Variants in SLC5A9 observed in about 807,000 individuals in gnomAD.
The protein encoded by SLC5A9 is sodium/glucose cotransporter 4.
A neutral mutation model predicts 70.9 loss-of-function variants in SLC5A9; 59 were observed. The ratio of observed to expected loss-of-function variants is 0.83; its 90% CI spans 0.68 to 1.03. The LOEUF is 1.03. SLC5A9 is among the 50% of genes least tolerant of loss of function. The pLI, the probability that SLC5A9 is intolerant of heterozygous loss-of-function variation, is 0.00. For synonymous variants in SLC5A9, 340 were observed against 346.5 expected (o/e 0.98, Z 0.21); for missense variants, 832 against 881.1 (o/e 0.94, Z 0.71).
intron 12 of SLC5A9, chr1:48,240,484 T>C (rs920729527): frequency 1.3e-5 from 2 of 152,272 alleles, no homozygotes; most frequent in African/African-American, 4.8e-5. Flanking sequence ...CCTGAAACAC[T>C]GAGTGGACAT....
rs1391896495 is a variant in SLC5A9 at position 48,244,878 on chromosome 1, G to GTGTATATATA, written c.1837+2263_1837+2264insGTATATATAT. 3.1e-4 allele frequency among the ~76,000 whole-genome samples: 9 copies of GTGTATATATA among 29,402 alleles called. 1 individual carries two copies. Among genetic ancestry groups the GTGTATATATA allele is most frequent in the Non-Finnish European group, 3.8e-4 (5 of 13,032 alleles). 19.3% of individuals were successfully genotyped at this position (29,402 alleles called of 152,430 possible). On this transcript the variant is annotated intron_variant, in intron 13 of 13. Transcript: ENST00000438567. ...TGTGTGTGTGTATGTATGTGTATGTGTATATATATATATATATATATATAT... is the reference window on the plus strand; with the variant it reads ...TGTGTGTGTGTATGTATGTGTATGTGTGTATATATATATATATATATATATATATATATAT...
Position 48,247,628 on chromosome 1 carries a change from T to A in SLC5A9, c.*85T>A, listed in dbSNP as rs547161758. 317 of 1,379,036 alleles carry A rather than the reference T, an allele frequency of 2.3e-4. 2 individuals are homozygous for A. In the South Asian group the frequency reaches 3.1e-3, roughly 13 times the overall value. The allele number at this position is 1,379,036 out of a possible 1,614,324, so 85.4% of individuals were successfully genotyped here. ...GAAACAGGCTCTCCTCTTACTTTGC[T>A]GTCTAAACTGGAGATCACAGAAGTC... is the stretch of plus-strand genomic sequence containing the variant. On this transcript the variant is annotated 3_prime_UTR_variant, in exon 14 of 14. Transcript: ENST00000438567.
At chr1:48,241,791 C>T (rs557001416) in intron 12 of SLC5A9, among the ~76,000 whole-genome samples, 1 of 152,108 alleles carries the variant, frequency 6.6e-6, no homozygotes, top group East Asian at 1.9e-4. Context: ...CACTCCTTGT[C>T]CTGTGTTCTC....
At chr1:48,241,392 A>T (rs1644388652) in intron 12 of SLC5A9, among the ~76,000 whole-genome samples, 1 of 152,210 alleles carries the variant, frequency 6.6e-6, no homozygotes, top group South Asian at 2.1e-4. Context: ...CCAGGCTCTC[A>T]TGATCCCAGA....
chr1:48,224,357 A>G (rs1198167839), intron 1 of SLC5A9, among the ~76,000 whole-genome samples: 1 of 152,224 alleles, frequency 6.6e-6, no homozygotes, highest in African/African-American at 2.4e-5. Context: ...AGCTCAGAGA[A>G]AGGGTGAGCA....
At chr1:48,235,972 T>C in intron 10 of SLC5A9, 93 bp downstream of exon 10, 1 of 1,471,768 alleles carries the variant, frequency 6.8e-7, no homozygotes, top group Non-Finnish European at 9.3e-7. Context: ...GGTTGGACCC[T>C]GGACTGGCAG....
chr1:48,237,620 C>A (rs1404151194), intron 10 of SLC5A9, 59 bp from the exon 11 acceptor site: 1 of 1,567,896 alleles, frequency 6.4e-7, no homozygotes, highest in African/African-American at 1.3e-5. Context: ...ATCACCTTCA[C>A]CCCACACCAC....
At chr1:48,244,847 A>ATTAT (rs2148590562) in intron 13 of SLC5A9, among the ~76,000 whole-genome samples, 1 of 15,020 alleles carries the variant, frequency 6.7e-5, no homozygotes, top group Non-Finnish European at 1.9e-4. Flanking sequence ...TTATATATAT[A>ATTAT]AAACCTGTGT....
intron 9 of SLC5A9, 123 bp downstream of exon 9, chr1:48,233,885 C>T (rs920999876): frequency 1.3e-5 from 9 of 718,906 alleles, no homozygotes; most frequent in Non-Finnish European, 2.0e-5. Flanking sequence ...ACCTCTGCAC[C>T]CCCATCCCAA....
At chr1:48,245,323 C>G (rs1176893652) in intron 13 of SLC5A9, among the ~76,000 whole-genome samples, 2 of 152,202 alleles carry the variant, frequency 1.3e-5, no homozygotes, top group East Asian at 3.9e-4. Flanking sequence ...CAGACTTACA[C>G]AGAGTTACAC....
chr1:48,222,921 G>A (rs747174390), intron 1 of SLC5A9, 23 bp downstream of exon 1: 2 of 1,612,786 alleles, frequency 1.2e-6, no homozygotes, highest in Non-Finnish European at 1.7e-6. Context: ...TGAGGCTGGG[G>A]CTAGCAGGGG....
In SLC5A9 at chr1:48,224,711, A is replaced by G. The variant is rs928891261; in HGVS notation, c.163-13A>G. On this transcript the variant is annotated splice_polypyrimidine_tract_variant and intron_variant, in intron 1 of 13. Transcript: ENST00000438567. ...GTCTTGAGAAATCCTCATCTCATCT[A>G]TTTCCTTTCCAGTCGTCCATCCGTG... 2.5e-6 allele frequency: 4 copies of G among 1,613,624 alleles called. No individual in the cohort carries two copies. The African/African-American group carries it at 4.0e-5, about 16-fold the overall frequency.
chr1:48,223,074 A>G (rs888204753), intron 1 of SLC5A9, among the ~76,000 whole-genome samples, 176 bp downstream of exon 1: 2 of 152,106 alleles, frequency 1.3e-5, no homozygotes, highest in Non-Finnish European at 2.9e-5. Context: ...TTAGAAGGGC[A>G]GAGAGGGGTG....
At chr1:48,242,416 C>T (rs776736164) in intron 12 of SLC5A9, 41 bp from the exon 13 acceptor site, 1 of 1,544,312 alleles carries the variant, frequency 6.5e-7, no homozygotes, top group Non-Finnish European at 8.7e-7. Flanking sequence ...AGCATGACTT[C>T]TCTCCAAGGC....
In SLC5A9 at chr1:48,247,694, C is replaced by T. The variant is rs532926621; in HGVS notation, c.*151C>T. ...CCTGAAGAGAATCCAACTCAACCTG[C>T]ACACTTGACAAGTGGAGAAACAGAA... On this transcript the variant is annotated 3_prime_UTR_variant, in exon 14 of 14. Transcript: ENST00000438567. The T allele has an allele frequency of 7.7e-5, 55 of 716,762 alleles. No homozygotes were observed. In the East Asian group the frequency reaches 1.5e-3, roughly 19 times the overall value. 44.4% of individuals were successfully genotyped at this position (716,762 alleles called of 1,614,324 possible).
chr1:48,242,716 A>G (rs569104369), intron 13 of SLC5A9, 100 bp downstream of exon 13: 4 of 1,148,702 alleles, frequency 3.5e-6, no homozygotes, highest in East Asian at 2.7e-5. Flanking sequence ...AGGGAGCCCA[A>G]TAAATATCAC....
rs1391896495 is a variant in SLC5A9 at position 48,244,878 on chromosome 1, G to GTGTATATA, written c.1837+2263_1837+2264insGTATATAT. ...TGTGTGTGTGTATGTATGTGTATGT[G>GTGTATATA]TATATATATATATATATATATATAT... On this transcript the variant is annotated intron_variant, in intron 13 of 13. Transcript: ENST00000438567. Among the ~76,000 whole-genome samples, 3 of 29,418 alleles carry GTGTATATA rather than the reference G, an allele frequency of 1.0e-4. 1 individual carries two copies. The highest frequency in any genetic ancestry group is 2.3e-4 in the Non-Finnish European group (3 of 13,036). The allele number at this position is 29,418 out of a possible 152,430, so 19.3% of individuals were successfully genotyped here. A position where few individuals can be genotyped will look rare whatever the true frequency, so the allele number is the denominator to read the frequency against.
At position 48,239,338 on chromosome 1, in the gene SLC5A9, T is replaced by TC; in HGVS notation, c.1479dup (p.Val494ArgfsTer64). The TC allele has an allele frequency of 1.2e-6, 2 of 1,611,304 alleles. No homozygotes were observed. The highest frequency in any genetic ancestry group is 1.7e-6 in the Non-Finnish European group (2 of 1,177,908). ...CTCTCACAGGGAGCTTTCTGGGGCC[T>TC]CGTGTTTGGCCTGGGAGTGGGGCTT... On this transcript the variant is annotated frameshift_variant, in exon 12 of 14. Transcript: ENST00000438567. LOFTEE classifies it high-confidence loss of function. This position sits in a 1 kb window ranked among gnomAD's most constrained non-coding sequence, Gnocchi z 4.2.
rs1466771143 is a variant in SLC5A9, at chr1:48,232,602, G to A, written c.1033+100G>A. The stretch of plus-strand genomic sequence containing the variant: ...CCTGGACAATGTTAGGCCAGAGCAG[G>A]GGTTGGCAAGGTTTGTCTATTAAGA... On this transcript the variant is annotated intron_variant, in intron 8 of 13. Coordinates refer to ENST00000438567, the MANE Select transcript of SLC5A9 (RefSeq NM_001011547.3). The A allele has an allele frequency of 5.4e-6, 8 of 1,490,394 alleles. No individual in the cohort carries two copies. In the East Asian group the frequency reaches 1.1e-4, roughly 21 times the overall value. The allele number at this position is 1,490,394 out of a possible 1,614,324, so 92.3% of individuals were successfully genotyped here.
Sources: allele counts gnomAD v4.1 joint callset (sites outside exome capture counted in the v4.1 genomes callset), GRCh38; gene constraint gnomAD v4.1.1; non-coding constraint Gnocchi (gnomAD v3.1); transcripts MANE v1.5; gene names NCBI Gene and HGNC (gene_info 2026-07-23, HGNC 2026-07-21).